Variants in AHNAK observed in about 807,000 individuals in gnomAD.
AHNAK encodes the protein neuroblast differentiation-associated protein AHNAK.
A neutral mutation model predicts 37.8 loss-of-function variants in AHNAK; 23 were observed. The ratio of observed to expected loss-of-function variants is 0.61; its 90% CI spans 0.44 to 0.86. AHNAK has a LOEUF of 0.86. Among genes scored for constraint, AHNAK ranks in the 40% least tolerant of loss-of-function variants. AHNAK has a pLI of 0.00. For synonymous variants in AHNAK, 2,481 were observed against 2,636.3 expected (o/e 0.94, Z 1.80); for missense variants, 7,411 against 7,319.4 (o/e 1.01, Z -0.46).
At chr11:62,452,760 C>G (rs1590592753) in intron 5 of AHNAK, among the ~76,000 whole-genome samples, 1 of 152,008 alleles carries the variant, frequency 6.6e-6, no homozygotes, top group Non-Finnish European at 1.5e-5. Flanking sequence ...GGTGGCTTAC[C>G]GCACCTGTAA....
intron 5 of AHNAK, among the ~76,000 whole-genome samples, chr11:62,443,431 C>A (rs1439754778): frequency 2.0e-5 from 3 of 151,984 alleles, no homozygotes; most frequent in Non-Finnish European, 4.4e-5. Context: ...CACCACCACG[C>A]CTGGCTTATT....
At position 62,530,652 on chromosome 11, in the gene AHNAK, G is replaced by C. The variant is rs767303389; in HGVS notation, c.3765C>G (p.Pro1255=). 1.2e-6 allele frequency: 2 copies of C among 1,613,206 alleles called. No individual in the cohort carries two copies. The highest frequency in any genetic ancestry group is 1.3e-5 in the African/African-American group (1 of 74,624). Reference sequence around the variant, plus strand: ...TGCTAAACTTGGGCATTTTCATCTTGGGCATCTTCAGGTGCCAGTCTGGGC... The same window carrying C: ...TGCTAAACTTGGGCATTTTCATCTTCGGCATCTTCAGGTGCCAGTCTGGGC... The part of the protein sequence containing the change: ...VQGPDWHLKM[P]KMKMPKFSMP... The change falls in exon 5 of 5, where the codon CCC becomes CCG. Residue 1255 remains proline, a synonymous_variant. Coordinates refer to ENST00000378024, the MANE Select transcript of AHNAK (RefSeq NM_001620.3).
At chr11:62,484,463 T>C (rs1233654024) in intron 5 of AHNAK, among the ~76,000 whole-genome samples, 1 of 152,106 alleles carries the variant, frequency 6.6e-6, no homozygotes, top group Non-Finnish European at 1.5e-5. Flanking sequence ...ATGTAAGGTG[T>C]CAGAGAAGAT....
At chr11:62,453,531 C>T (rs188510508) in intron 5 of AHNAK, among the ~76,000 whole-genome samples, 71 of 152,256 alleles carry the variant, frequency 4.7e-4, no homozygotes, top group Non-Finnish European at 8.4e-4. Flanking sequence ...AACAGCAGAA[C>T]CAGGATTCGA....
In AHNAK at chr11:62,523,871, C is replaced by T. The variant is rs534932984; in HGVS notation, c.10546G>A (p.Asp3516Asn). 1.7e-5 allele frequency: 28 copies of T among 1,614,122 alleles called. No homozygotes were observed. In the Middle Eastern group the frequency reaches 3.0e-3, roughly 171 times the overall value. The change falls in exon 5 of 5, where the codon GAT becomes AAT. Residue 3516 changes from aspartate (D) to asparagine (N), a missense_variant. Transcript: ENST00000378024. ...CCCTCCGGACCTTCCACATTGAGATCTGGGCCCTCAATGTTCATACTTGGG... is the reference window on the plus strand; with the variant it reads ...CCCTCCGGACCTTCCACATTGAGATTTGGGCCCTCAATGTTCATACTTGGG... The part of the protein sequence containing the change: ...EGPSMNIEGP[D>N]LNVEGPEGGL...
Position 62,531,083 on chromosome 11 carries a change from C to T in AHNAK, c.3334G>A (p.Ala1112Thr). The part of the protein sequence containing the change: ...DIRGPKVDIK[A>T]PDVEGQGLDW... ...AGGCCTTGGCCTTCCACATCTGGTG[C>T]TTTAATATCTACCTTGGGACCTCTG... The change falls in exon 5 of 5, where the codon GCA (alanine) becomes ACA (threonine). Residue 1112 changes from alanine (A) to threonine (T), a missense_variant. By Grantham distance (58) the Ala-to-Thr change is moderately conservative (BLOSUM62 0). Coordinates refer to ENST00000378024, the MANE Select transcript of AHNAK (RefSeq NM_001620.3). 6.2e-7 allele frequency: 1 copy of T among 1,613,860 alleles called. No homozygotes were observed. Among genetic ancestry groups the T allele is most frequent in the Non-Finnish European group, 8.5e-7 (1 of 1,179,992 alleles).
chr11:62,500,211 C>T (rs1379666687), intron 4 of AHNAK, among the ~76,000 whole-genome samples: 1 of 152,192 alleles, frequency 6.6e-6, no homozygotes. Context: ...TCAATCTGCA[C>T]TCACAAAACG....
chr11:62,513,222 G>A (rs1217178060), downstream of AHNAK, among the ~76,000 whole-genome samples: 1 of 152,164 alleles, frequency 6.6e-6, no homozygotes, highest in Admixed American at 6.5e-5. Context: ...GTCAGACCTT[G>A]CAAGGCTGGT....
chr11:62,520,014 A>G lies in AHNAK; in HGVS notation c.14403T>C (p.Asp4801=), dbSNP rs1232235275. ...PGFKGEGPDV[D]VSLPKADIDV... ...CGATGTCGGCCTTGGGCAGGCTCAC[A>G]TCCACATCTGGACCTTCTCCTTTGA... Residue 4801 remains aspartate (D), a synonymous_variant, in exon 5 of 5, where the codon GAT becomes GAC. Transcript: ENST00000378024. 2 of 1,613,476 alleles carry G rather than the reference A, an allele frequency of 1.2e-6. No individual in the cohort carries two copies. Among genetic ancestry groups the G allele is most frequent in the South Asian group, 1.1e-5 (1 of 91,042 alleles).
intron 4 of AHNAK, among the ~76,000 whole-genome samples, chr11:62,492,844 C>G: frequency 7.1e-6 from 1 of 141,500 alleles, no homozygotes; most frequent in African/African-American, 3.1e-5. Context: ...CACCACTGCA[C>G]TCCAGCCGGG....
chr11:62,461,824 C>CAAA (rs34702871), intron 5 of AHNAK, among the ~76,000 whole-genome samples: 1 of 90,090 alleles, frequency 1.1e-5, no homozygotes, highest in Non-Finnish European at 2.1e-5. Context: ...AACGACATCT[C>CAAA]AAAAAAAAAA....
chr11:62,521,864 G>A lies in AHNAK; in HGVS notation c.12553C>T (p.His4185Tyr). 1 of 1,612,276 alleles carries A rather than the reference G, an allele frequency of 6.2e-7. No homozygotes were observed. Among genetic ancestry groups the A allele is most frequent in the Non-Finnish European group, 8.5e-7 (1 of 1,179,706 alleles). The change falls in exon 5 of 5, where the codon CAC (histidine) becomes TAC (tyrosine). Residue 4185 changes from histidine to tyrosine, a missense_variant. Physicochemically the swap from His to Tyr is moderately conservative, Grantham distance 83. Transcript: ENST00000378024. The part of the protein sequence containing the change: ...PDVDVQGPDW[H>Y]LKMPKVKMPK... ...ATTTTCACTTTGGGCATTTTTAAGT[G>A]CCAGTCTGGGCCTTGAACGTCCACA...
chr11:62,441,379 A>G (rs1427015350), intron 5 of AHNAK, among the ~76,000 whole-genome samples: 1 of 152,128 alleles, frequency 6.6e-6, no homozygotes, highest in Admixed American at 6.5e-5. Context: ...AGGCTGAGGC[A>G]GGAGGATCAC....
At chr11:62,483,033 T>C (rs1413974656) in intron 5 of AHNAK, among the ~76,000 whole-genome samples, 8 of 152,054 alleles carry the variant, frequency 5.3e-5, no homozygotes, top group African/African-American at 1.9e-4. Context: ...GGACAATCAT[T>C]TGAACGACAT....
chr11:62,459,778 G>A (rs1299442673), intron 5 of AHNAK, among the ~76,000 whole-genome samples: 1 of 152,120 alleles, frequency 6.6e-6, no homozygotes, highest in African/African-American at 2.4e-5. Flanking sequence ...TTCCCAAGAC[G>A]ACATATAGGA....
intron 5 of AHNAK, among the ~76,000 whole-genome samples, chr11:62,483,349 G>A (rs1293321877): frequency 6.6e-6 from 1 of 152,214 alleles, no homozygotes; most frequent in Non-Finnish European, 1.5e-5. Context: ...AGAACTGGTG[G>A]AAACAGAGGA....
intron 4 of AHNAK, among the ~76,000 whole-genome samples, chr11:62,492,571 G>C (rs1939522115): frequency 6.6e-6 from 1 of 152,072 alleles, no homozygotes; most frequent in South Asian, 2.1e-4. Context: ...CACCATCCCA[G>C]GAAATTACTC....
chr11:62,493,469 G>T (rs1939545506), intron 4 of AHNAK, among the ~76,000 whole-genome samples: 2 of 151,678 alleles, frequency 1.3e-5, no homozygotes, highest in Admixed American at 1.3e-4. Context: ...GGGATTATAG[G>T]CATGTGCCAC....
At chr11:62,544,364 A>G (rs912596662) in intron 1 of AHNAK, among the ~76,000 whole-genome samples, 1 of 152,096 alleles carries the variant, frequency 6.6e-6, no homozygotes, top group African/African-American at 2.4e-5. Context: ...GGACCCCTGA[A>G]TCGCTGCTGT....
Sources: allele counts gnomAD v4.1 joint callset (sites outside exome capture counted in the v4.1 genomes callset), GRCh38; gene constraint gnomAD v4.1.1; transcripts MANE v1.5; gene names NCBI Gene and HGNC (gene_info 2026-07-23, HGNC 2026-07-21).